Variants in STT3B observed in about 807,000 individuals in gnomAD.
STT3B encodes the protein STT3 oligosaccharyltransferase complex catalytic subunit B.
In STT3B, 29 loss-of-function variants were observed where a neutral mutation model predicts 96.8. The ratio of observed to expected loss-of-function variants is 0.30; its 90% CI spans 0.22 to 0.41. STT3B has a LOEUF of 0.41. Ranked by LOEUF, STT3B falls within the 10% of genes least tolerant of loss-of-function variation. STT3B has a pLI of 1.00. For synonymous variants in STT3B, 367 were observed against 360.0 expected (o/e 1.02, Z -0.22); for missense variants, 640 against 1,022.3 (o/e 0.63, Z 5.10).
At chr3:31,635,728 G>A (rs1575452170) in intron 15 of STT3B, among the ~76,000 whole-genome samples, 1 of 152,306 alleles carries the variant, frequency 6.6e-6, no homozygotes, top group East Asian at 1.9e-4. Flanking sequence ...TGGTTGAGAA[G>A]AGGGCTGAAG....
intron 1 of STT3B, among the ~76,000 whole-genome samples, chr3:31,560,884 A>C (rs1697861927): frequency 6.6e-6 from 1 of 152,072 alleles, no homozygotes; most frequent in Non-Finnish European, 1.5e-5. Flanking sequence ...GGACACTGAA[A>C]ATTTTAATAT....
intron 3 of STT3B, among the ~76,000 whole-genome samples, chr3:31,591,429 G>T (rs1048320862): frequency 6.6e-6 from 1 of 152,066 alleles, no homozygotes; most frequent in African/African-American, 2.4e-5. Context: ...GGAGTTTTAA[G>T]TATTGTTTGA....
chr3:31,617,175 G>T (rs879242245), intron 7 of STT3B, 100 bp downstream of exon 7: 42 of 795,970 alleles, frequency 5.3e-5, no homozygotes, highest in Non-Finnish European at 6.8e-5. Flanking sequence ...TGACTACAAA[G>T]TGATTTTTTT....
At chr3:31,588,569 A>G (rs764973480) in intron 3 of STT3B, among the ~76,000 whole-genome samples, 10 of 152,048 alleles carry the variant, frequency 6.6e-5, no homozygotes, top group African/African-American at 2.4e-4. Context: ...TTTTCATGCC[A>G]TGTTTGGGCT....
intron 1 of STT3B, among the ~76,000 whole-genome samples, chr3:31,554,021 G>A (rs1227311342): frequency 6.6e-6 from 1 of 152,156 alleles, no homozygotes; most frequent in African/African-American, 2.4e-5. Context: ...CTTACATTCA[G>A]TGTTTTTCTT....
At chr3:31,606,618 C>A (rs1389759497) in intron 5 of STT3B, among the ~76,000 whole-genome samples, 1 of 152,158 alleles carries the variant, frequency 6.6e-6, no homozygotes, top group African/African-American at 2.4e-5. Flanking sequence ...TTTCAAAGAA[C>A]GTATGGAAAT....
Position 31,551,781 on chromosome 3 carries a change from T to C in STT3B, c.314+18469T>C, listed in dbSNP as rs146721543. Among the ~76,000 whole-genome samples, 3 of 152,300 alleles carry C rather than the reference T, an allele frequency of 2.0e-5. No individual in the cohort carries two copies. In the East Asian group the frequency reaches 5.8e-4, roughly 29 times the overall value. ...GGGTGATGGGATGTTGCTTCCGTGA[T>C]TATGTGACGTTGTGTAAAACTTTGT... On this transcript the variant is annotated intron_variant, in intron 1 of 15. Coordinates refer to ENST00000295770, the MANE Select transcript of STT3B (RefSeq NM_178862.3).
intron 3 of STT3B, among the ~76,000 whole-genome samples, chr3:31,584,608 A>G (rs1190256066): frequency 6.6e-6 from 1 of 152,152 alleles, no homozygotes; most frequent in Non-Finnish European, 1.5e-5. Flanking sequence ...ATTGCTTTGA[A>G]GGATCATATT....
chr3:31,540,277 A>G (rs2125434417), intron 1 of STT3B, among the ~76,000 whole-genome samples: 1 of 152,136 alleles, frequency 6.6e-6, no homozygotes, highest in East Asian at 1.9e-4. Flanking sequence ...GTTGTCTGTA[A>G]TCTCCATAAA....
intron 12 of STT3B, among the ~76,000 whole-genome samples, chr3:31,625,664 GT>G (rs1318411948): frequency 6.6e-6 from 1 of 152,114 alleles, no homozygotes; most frequent in African/African-American, 2.4e-5. Flanking sequence ...GTGAGAAGTT[GT>G]TTTTTCTAAG....
intron 1 of STT3B, among the ~76,000 whole-genome samples, chr3:31,552,310 GGGACTAT>G (rs1697581381): frequency 6.6e-6 from 1 of 152,128 alleles, no homozygotes; most frequent in African/African-American, 2.4e-5. Context: ...TTACTTGCCA[GGGACTAT>G]GGCTACAGTA....
chr3:31,550,029 G>A (rs1197449905), intron 1 of STT3B, among the ~76,000 whole-genome samples: 1 of 151,382 alleles, frequency 6.6e-6, no homozygotes, highest in Non-Finnish European at 1.5e-5. Context: ...CTCTTATTTT[G>A]TTGTAATTTT....
intron 1 of STT3B, among the ~76,000 whole-genome samples, chr3:31,569,798 AATT>A (rs2064764426): frequency 6.6e-6 from 1 of 152,098 alleles, no homozygotes; most frequent in Non-Finnish European, 1.5e-5. Flanking sequence ...GGAAAACTAT[AATT>A]GTGTGTGAGA....
chr3:31,544,904 T>A (rs1050867922), intron 1 of STT3B, among the ~76,000 whole-genome samples: 2 of 152,078 alleles, frequency 1.3e-5, no homozygotes, highest in Non-Finnish European at 2.9e-5. Context: ...ACCACCGCAC[T>A]CCAGCCTGGG....
At chr3:31,592,198 T>C (rs1307831280) in intron 3 of STT3B, among the ~76,000 whole-genome samples, 1 of 152,176 alleles carries the variant, frequency 6.6e-6, no homozygotes, top group Non-Finnish European at 1.5e-5. Context: ...TTCACATAGG[T>C]GGAATCATAT....
In STT3B at chr3:31,533,023, A is replaced by C. The variant is rs917752594; in HGVS notation, c.25A>C (p.Ser9Arg). 2 of 1,588,576 alleles carry C rather than the reference A, an allele frequency of 1.3e-6. No individual in the cohort carries two copies. Among genetic ancestry groups the C allele is most frequent in the East Asian group, 4.9e-5 (2 of 40,464 alleles). Residue 9 changes from serine to arginine, a missense_variant, in exon 1 of 16, where the codon AGC (serine) becomes CGC (arginine). Ser to Arg is a moderately radical substitution (Grantham distance 110). Coordinates refer to ENST00000295770, the MANE Select transcript of STT3B (RefSeq NM_178862.3). MAEPSAPE[S>R]KHKSSLNSSP... ...CATGGCGGAGCCCTCGGCCCCGGAG[A>C]GCAAGCACAAGTCGTCCCTCAACTC...
intron 1 of STT3B, among the ~76,000 whole-genome samples, chr3:31,550,787 A>G (rs749339128): frequency 7.9e-5 from 12 of 151,716 alleles, no homozygotes; most frequent in African/African-American, 2.9e-4. Flanking sequence ...TTTTCGTTCT[A>G]TTGAAGGGGG....
In STT3B at chr3:31,602,431, CAA is replaced by C. The variant is rs769910693; in HGVS notation, c.877+1973_877+1974del. Among the ~76,000 whole-genome samples the C allele has an allele frequency of 1.8e-4, 27 of 151,510 alleles. 1 individual carries two copies. Among genetic ancestry groups the C allele is most frequent in the African/African-American group, 6.1e-4 (25 of 41,280 alleles). The stretch of plus-strand genomic sequence containing the variant: ...TGGAAATTTAATGGTCAGAGGAATA[CAA>C]GAGAGAGAAGATTGAGAAATACACT... On this transcript the variant is annotated intron_variant, in intron 5 of 15. Transcript: ENST00000295770.
intron 11 of STT3B, 45 bp downstream of exon 11, chr3:31,623,906 C>A (rs370394170): frequency 1.4e-6 from 2 of 1,419,194 alleles, no homozygotes. Context: ...ACTTACACTT[C>A]TTTTTCGTTG....
Sources: gnomAD v4.1 joint callset for allele counts (sites outside exome capture counted in the v4.1 genomes callset) on GRCh38, gnomAD v4.1.1 for gene constraint, MANE v1.5 for transcripts, NCBI Gene and HGNC (gene_info 2026-07-23, HGNC 2026-07-21) for gene names.